Variants in SPIDR observed in about 807,000 individuals in gnomAD.
SPIDR encodes the protein DNA repair-scaffolding protein.
A neutral mutation model predicts 104.6 loss-of-function variants in SPIDR; 93 were observed. The observed-to-expected ratio is 0.89, with a 90% CI of 0.75 to 1.06. SPIDR has a LOEUF of 1.06. SPIDR is among the 50% of genes least tolerant of loss of function. The probability of loss-of-function intolerance (pLI) is 0.00; values close to 1 mark genes in which losing one functional copy is unlikely to be tolerated. For synonymous variants in SPIDR, 431 were observed against 416.9 expected, an observed-to-expected ratio of 1.03 and a Z score of -0.41; for missense variants, 1,154 against 1,111.2, an observed-to-expected ratio of 1.04 and a Z score of -0.55.
At chr8:47,350,547 T>G (rs1356415777) in intron 5 of SPIDR, among the ~76,000 whole-genome samples, 1 of 151,820 alleles carries the variant, frequency 6.6e-6, no homozygotes, top group Non-Finnish European at 1.5e-5. Context: ...CTCTTGACAT[T>G]AAGTGATCTG....
At chr8:47,531,882 A>T (rs1175534731) in intron 8 of SPIDR, among the ~76,000 whole-genome samples, 4 of 152,224 alleles carry the variant, frequency 2.6e-5, no homozygotes, top group Non-Finnish European at 5.9e-5. Flanking sequence ...AGAAAAAAAT[A>T]GAATCATATA....
intron 5 of SPIDR, among the ~76,000 whole-genome samples, chr8:47,321,715 C>T (rs986458632): frequency 6.6e-6 from 1 of 152,146 alleles, no homozygotes; most frequent in Admixed American, 6.5e-5. Flanking sequence ...CTGCAGTAAC[C>T]AAAACTGCAT....
chr8:47,423,814 C>T (rs753738635), intron 7 of SPIDR, among the ~76,000 whole-genome samples: 1 of 152,110 alleles, frequency 6.6e-6, no homozygotes, highest in Non-Finnish European at 1.5e-5. Flanking sequence ...AGAGAATGGA[C>T]AGCTATAGAG....
chr8:47,635,641 A>C (rs1317976503), intron 10 of SPIDR, among the ~76,000 whole-genome samples: 1 of 152,188 alleles, frequency 6.6e-6, no homozygotes, highest in South Asian at 2.1e-4. Flanking sequence ...CACTTGAAGC[A>C]AGAGTTTGAG....
intron 1 of SPIDR, among the ~76,000 whole-genome samples, chr8:47,265,024 A>G (rs2033601088): frequency 6.6e-6 from 1 of 152,062 alleles, no homozygotes; most frequent in African/African-American, 2.4e-5. Context: ...GAAATAGGAA[A>G]AAGGCTCATT....
intron 3 of SPIDR, among the ~76,000 whole-genome samples, chr8:47,287,236 G>T (rs1171420902): frequency 6.6e-6 from 1 of 151,930 alleles, no homozygotes; most frequent in African/African-American, 2.4e-5. Flanking sequence ...GGCCAATAAA[G>T]ATCACAAGGC....
intron 19 of SPIDR, among the ~76,000 whole-genome samples, chr8:47,734,407 C>T (rs2085824628): frequency 6.6e-6 from 1 of 152,168 alleles, no homozygotes; most frequent in Non-Finnish European, 1.5e-5. Flanking sequence ...GAGCCACATT[C>T]TACCTGCTTT....
intron 8 of SPIDR, among the ~76,000 whole-genome samples, chr8:47,488,407 G>C (rs887748935): frequency 6.6e-6 from 1 of 152,176 alleles, no homozygotes; most frequent in South Asian, 2.1e-4. Flanking sequence ...ATTCACAGCT[G>C]AATTCTACCA....
At chr8:47,339,986 A>T (rs912703329) in intron 5 of SPIDR, among the ~76,000 whole-genome samples, 2 of 152,038 alleles carry the variant, frequency 1.3e-5, no homozygotes, top group South Asian at 2.1e-4. Flanking sequence ...GACTGTTTAC[A>T]TTCTTCTATT....
intron 7 of SPIDR, among the ~76,000 whole-genome samples, chr8:47,437,182 G>A (rs1419038397): frequency 3.3e-4 from 50 of 151,446 alleles, no homozygotes; most frequent in Non-Finnish European, 5.9e-4. Flanking sequence ...CCATGCTGGT[G>A]CGCTGCACCC....
chr8:47,393,187 C>G (rs985902471), intron 5 of SPIDR, among the ~76,000 whole-genome samples: 1 of 152,244 alleles, frequency 6.6e-6, no homozygotes, highest in Non-Finnish European at 1.5e-5. Context: ...AACATTCACA[C>G]ATCAAAACTA....
chr8:47,419,280 T>C (rs1554677968), intron 7 of SPIDR: 1 of 152,226 alleles, frequency 6.6e-6, no homozygotes, highest in Non-Finnish European at 1.5e-5. Flanking sequence ...CTATTAATTA[T>C]TGCCTCAATT....
intron 8 of SPIDR, among the ~76,000 whole-genome samples, chr8:47,481,705 A>G (rs782157977): frequency 3.2e-4 from 48 of 152,336 alleles, no homozygotes; most frequent in Admixed American, 9.1e-4. Context: ...TAGGAAAACA[A>G]TTGTGGGAGA....
Position 47,364,443 on chromosome 8 carries a change from G to T in SPIDR, c.526-31933G>T, listed in dbSNP as rs527384794. On this transcript the variant is annotated intron_variant, in intron 5 of 19. Transcript: ENST00000297423. ...AACCCTGGCTCTTGTTCCAAGAAGT[G>T]TTTTTGATGCAGAGCTTCAATGCAA... Among the ~76,000 whole-genome samples the T allele has an allele frequency of 7.9e-5, 12 of 152,296 alleles. No individual in the cohort carries two copies. The South Asian group carries it at 2.5e-3, about 32-fold the overall frequency.
At chr8:47,386,930 T>G (rs529971089) in intron 5 of SPIDR, among the ~76,000 whole-genome samples, 3 of 148,816 alleles carry the variant, frequency 2.0e-5, no homozygotes, top group Admixed American at 6.7e-5. Context: ...TAGATATAGA[T>G]ATAGATATAG....
At chr8:47,325,649 T>C (rs2047528447) in intron 5 of SPIDR, among the ~76,000 whole-genome samples, 2 of 152,222 alleles carry the variant, frequency 1.3e-5, no homozygotes, top group Admixed American at 1.3e-4. Flanking sequence ...CATCTTATGG[T>C]GCTCCAGACA....
At chr8:47,589,022 G>GTTTTTTTTTTTTTTTTTTTTTTT (rs1168001066) in intron 8 of SPIDR, among the ~76,000 whole-genome samples, 8 of 89,056 alleles carry the variant, frequency 9.0e-5, no homozygotes, top group Non-Finnish European at 1.4e-4. Context: ...TTTATAGTTT[G>GTTTTTTTTTTTTTTTTTTTTTTT]TTTTTTTTTT....
chr8:47,732,407 G>A (rs528290946), intron 19 of SPIDR, among the ~76,000 whole-genome samples: 12 of 152,344 alleles, frequency 7.9e-5, no homozygotes, highest in East Asian at 5.8e-4. Flanking sequence ...GGACACATGC[G>A]TACATGTGTG....
intron 7 of SPIDR, among the ~76,000 whole-genome samples, chr8:47,424,960 C>A (rs2066186783): frequency 6.6e-6 from 1 of 152,182 alleles, no homozygotes; most frequent in East Asian, 1.9e-4. Flanking sequence ...AGACATTAAC[C>A]ACCTTGCCCA....
Sources: allele counts gnomAD v4.1 joint callset (sites outside exome capture counted in the v4.1 genomes callset), GRCh38; gene constraint gnomAD v4.1.1; transcripts MANE v1.5; gene names NCBI Gene and HGNC (gene_info 2026-07-23, HGNC 2026-07-21).